CCSER1: variants seen among roughly 807,000 people sequenced by gnomAD.
The protein encoded by CCSER1 is coiled-coil serine rich protein 1, also known as serine-rich coiled-coil domain-containing protein 1.
A neutral mutation model predicts 82.0 loss-of-function variants in CCSER1; 41 were observed. The ratio of observed to expected loss-of-function variants is 0.50; its 90% confidence interval spans 0.39 to 0.65. CCSER1 has a LOEUF of 0.65. CCSER1 is among the 30% of genes least tolerant of loss of function. CCSER1 has a pLI of 0.00. For missense variants in CCSER1, 1,119 were observed against 1,064.2 expected, an observed-to-expected ratio of 1.05 and a Z score of -0.72; for synonymous variants, 414 against 383.9, an observed-to-expected ratio of 1.08 and a Z score of -0.92.
intron 8 of CCSER1, among the ~76,000 whole-genome samples, chr4:90,920,975 C>T (rs903700521): frequency 7.9e-5 from 12 of 151,448 alleles, no homozygotes; most frequent in African/African-American, 2.4e-4. Flanking sequence ...TACTTTGTTT[C>T]TATATCTCTG....
chr4:91,459,027 G>C (rs1026598751), intron 10 of CCSER1, among the ~76,000 whole-genome samples: 4 of 151,774 alleles, frequency 2.6e-5, no homozygotes, highest in African/African-American at 9.7e-5. Context: ...TTTTCCCTAA[G>C]AGTTCTTATG....
At chr4:90,761,801 T>C (rs1750450439) in intron 7 of CCSER1, among the ~76,000 whole-genome samples, 1 of 152,060 alleles carries the variant, frequency 6.6e-6, no homozygotes, top group Non-Finnish European at 1.5e-5. Flanking sequence ...TCTGGATCGT[T>C]GTAAGAATAG....
At chr4:90,498,087 A>G (rs1309408224) in intron 5 of CCSER1, among the ~76,000 whole-genome samples, 1 of 152,128 alleles carries the variant, frequency 6.6e-6, no homozygotes, top group Non-Finnish European at 1.5e-5. Context: ...ATAAATTCCA[A>G]GATCCCCAGT....
chr4:90,217,791 T>TTTA (rs929297086), intron 1 of CCSER1, among the ~76,000 whole-genome samples: 3 of 151,892 alleles, frequency 2.0e-5, no homozygotes, highest in African/African-American at 4.8e-5. Context: ...TTTCTTTTTC[T>TTTA]TTATTATTAT....
In CCSER1 at chr4:90,840,336, GA is replaced by G. The variant is rs558918247; in HGVS notation, c.2094+24492del. ...CTATTACAAAAGACGTTAACTCTAT[GA>G]CATTAATTTCACCATGGGAAATCTG... On this transcript the variant is annotated intron_variant, in intron 8 of 10. Coordinates refer to ENST00000509176, the MANE Select transcript of CCSER1 (RefSeq NM_001145065.2). Among the ~76,000 whole-genome samples the G allele has an allele frequency of 4.3e-3, 660 of 152,284 alleles. 6 individuals are homozygous for G. The highest frequency in any genetic ancestry group is 5.0e-3 in the Non-Finnish European group (337 of 68,012).
chr4:90,417,567 GTTAT>G (rs1756010063), intron 4 of CCSER1, among the ~76,000 whole-genome samples: 1 of 151,972 alleles, frequency 6.6e-6, no homozygotes, highest in Non-Finnish European at 1.5e-5. Context: ...TGTTGTTTTG[GTTAT>G]TTATTTAGTA....
At chr4:90,826,188 A>G (rs1020937157) in intron 8 of CCSER1, among the ~76,000 whole-genome samples, 1 of 152,206 alleles carries the variant, frequency 6.6e-6, no homozygotes, top group African/African-American at 2.4e-5. Context: ...TTGGAAGGCC[A>G]GAAAAATAAG....
At chr4:90,399,994 C>T in intron 3 of CCSER1, 42 bp from the exon 4 acceptor site, 1 of 1,094,960 alleles carries the variant, frequency 9.1e-7, no homozygotes, top group Non-Finnish European at 1.4e-6. Flanking sequence ...CTCATTTACT[C>T]AGTGTTTTGG....
At chr4:90,307,003 C>CTAA (rs1169097918) in intron 1 of CCSER1, among the ~76,000 whole-genome samples, 6 of 152,162 alleles carry the variant, frequency 3.9e-5, no homozygotes, top group Non-Finnish European at 8.8e-5. Flanking sequence ...TTAGTGAATG[C>CTAA]AGTATGTATC....
intron 10 of CCSER1, among the ~76,000 whole-genome samples, chr4:91,094,158 C>T (rs755478255): frequency 3.9e-5 from 6 of 152,164 alleles, no homozygotes; most frequent in South Asian, 2.1e-4. Context: ...AGATTGTCCA[C>T]GTACTGGAGC....
intron 9 of CCSER1, among the ~76,000 whole-genome samples, chr4:91,025,232 G>A (rs1226512668): frequency 6.6e-6 from 1 of 152,018 alleles, no homozygotes; most frequent in Non-Finnish European, 1.5e-5. Context: ...TTTAAAAAAT[G>A]GAAAGATAGG....
intron 4 of CCSER1, among the ~76,000 whole-genome samples, chr4:90,457,110 G>T (rs908666566): frequency 6.6e-6 from 1 of 152,210 alleles, no homozygotes; most frequent in African/African-American, 2.4e-5. Context: ...CTGGCGGGCT[G>T]CTCCAGGTGC....
At chr4:90,143,459 A>G (rs2153340371) in intron 1 of CCSER1, among the ~76,000 whole-genome samples, 1 of 145,710 alleles carries the variant, frequency 6.9e-6, no homozygotes, top group East Asian at 2.1e-4. Context: ...TTTTTCCACC[A>G]TTGTATTTCT....
At chr4:90,659,004 GT>G (rs1264488585) in intron 6 of CCSER1, among the ~76,000 whole-genome samples, 1 of 149,942 alleles carries the variant, frequency 6.7e-6, no homozygotes, top group Non-Finnish European at 1.5e-5. Context: ...TCTCTAGGTA[GT>G]TTTAGAAATA....
intron 8 of CCSER1, among the ~76,000 whole-genome samples, chr4:90,834,791 T>A (rs1374918044): frequency 6.6e-6 from 1 of 152,046 alleles, no homozygotes; most frequent in Non-Finnish European, 1.5e-5. Context: ...TCAAAGGAAA[T>A]AATATGGCAG....
At chr4:90,670,078 G>C (rs1373699159) in intron 6 of CCSER1, among the ~76,000 whole-genome samples, 1 of 152,046 alleles carries the variant, frequency 6.6e-6, no homozygotes, top group East Asian at 1.9e-4. Flanking sequence ...ACATTTTCAT[G>C]TCATGTCTTA....
chr4:91,570,519 A>C (rs1044955353), intron 10 of CCSER1, among the ~76,000 whole-genome samples: 1 of 152,190 alleles, frequency 6.6e-6, no homozygotes, highest in Admixed American at 6.5e-5. Flanking sequence ...CTTGACTTCT[A>C]TGTACCTGCA....
chr4:90,151,403 T>C (rs1726816588), intron 1 of CCSER1, among the ~76,000 whole-genome samples: 1 of 152,114 alleles, frequency 6.6e-6, no homozygotes, highest in East Asian at 1.9e-4. Flanking sequence ...TTTTAAAATG[T>C]TTAGCTTTAA....
At position 91,496,697 on chromosome 4, in the gene CCSER1, AATATAT is replaced by A. The variant is rs1329165102; in HGVS notation, c.2218-101866_2218-101861del. Among the ~76,000 whole-genome samples the A allele has an allele frequency of 3.2e-3, 94 of 29,370 alleles. 22 individuals carry two copies. Among genetic ancestry groups the A allele is most frequent in the African/African-American group, 7.8e-3 (91 of 11,694 alleles). 19.3% of individuals were successfully genotyped at this position (29,370 alleles called of 152,430 possible). ...AATATATTTGAATATATATATATTC[AATATAT>A]ATATATATTCAATATATAGAATATA... On this transcript the variant is annotated intron_variant, in intron 10 of 10. Coordinates refer to ENST00000509176, the MANE Select transcript of CCSER1 (RefSeq NM_001145065.2).
Sources: allele counts gnomAD v4.1 joint callset (sites outside exome capture counted in the v4.1 genomes callset), GRCh38; gene constraint gnomAD v4.1.1; transcripts MANE v1.5; gene names NCBI Gene and HGNC (gene_info 2026-07-23, HGNC 2026-07-21).